The following FMN2 variants were observed in gnomAD, a reference collection of about 807,000 sequenced individuals.
FMN2 encodes the protein formin 2, also known as formin-2.
Under a neutral mutation model 142.3 loss-of-function variants are expected in FMN2, and 51 were observed. That is an observed-to-expected ratio of 0.36 (90% CI 0.29 to 0.45). The LOEUF (loss-of-function observed/expected upper bound fraction) is 0.45. FMN2 is among the 20% of genes least tolerant of loss of function. FMN2 has a pLI of 1.00. For synonymous variants in FMN2, 882 were observed against 869.8 expected (o/e 1.01, Z -0.25); for missense variants, 1,936 against 2,122.8 (o/e 0.91, Z 1.73).
chr1:240,420,521 A>G (rs1674726615), intron 15 of FMN2, among the ~76,000 whole-genome samples: 1 of 152,070 alleles, frequency 6.6e-6, no homozygotes, highest in Admixed American at 6.5e-5. Context: ...TTGTTGTCCT[A>G]TTGTCCTGCA....
chr1:240,207,542 C>G lies in FMN2; in HGVS notation c.2730C>G (p.Pro910=). 1 of 1,613,300 alleles carries G rather than the reference C, an allele frequency of 6.2e-7. No homozygotes were observed. The highest frequency in any genetic ancestry group is 8.5e-7 in the Non-Finnish European group (1 of 1,179,718). The change falls in exon 5 of 18, where the codon CCC becomes CCG. Residue 910 remains proline, a synonymous_variant. Transcript: ENST00000319653. The part of the protein sequence containing the change: ...PPLQGTEMLP[P]PPPPLPGAGI... Reference sequence around the variant, plus strand: ...TGCAGGGTACAGAAATGCTGCCACCCCCTCCCCCTCCTCTTCCCGGAGCGG... The same window carrying G: ...TGCAGGGTACAGAAATGCTGCCACCGCCTCCCCCTCCTCTTCCCGGAGCGG...
At chr1:240,186,992 C>T (rs1304000351) in intron 3 of FMN2, among the ~76,000 whole-genome samples, 4 of 151,722 alleles carry the variant, frequency 2.6e-5, no homozygotes, top group Non-Finnish European at 4.4e-5. Context: ...GCTGGCCGAG[C>T]ACGGTGGCTC....
chr1:240,175,705 T>TTTG (rs57456680), intron 2 of FMN2, among the ~76,000 whole-genome samples: 40,853 of 151,582 alleles, frequency 0.27, 5,596 homozygotes, highest in South Asian at 0.36. Flanking sequence ...GGTGCTTTAT[T>TTTG]TTGTTGTTGT....
intron 8 of FMN2, among the ~76,000 whole-genome samples, chr1:240,314,055 A>G (rs973791234): frequency 7.2e-5 from 11 of 152,314 alleles, no homozygotes; most frequent in African/African-American, 2.6e-4. Context: ...TTTGTACATA[A>G]AAAGCTACTA....
At chr1:240,219,210 G>A (rs369573588) in intron 6 of FMN2, among the ~76,000 whole-genome samples, 3 of 152,040 alleles carry the variant, frequency 2.0e-5, no homozygotes, top group Admixed American at 6.6e-5. Context: ...ACCCAGCCTC[G>A]GGTTTGTCAT....
At chr1:240,448,688 G>T (rs763878346) in intron 16 of FMN2, among the ~76,000 whole-genome samples, 1 of 152,036 alleles carries the variant, frequency 6.6e-6, no homozygotes, top group Non-Finnish European at 1.5e-5. Context: ...TGGCATGGTG[G>T]TGCACACCTG....
intron 7 of FMN2, among the ~76,000 whole-genome samples, chr1:240,263,771 A>G (rs1284776795): frequency 6.6e-6 from 1 of 152,128 alleles, no homozygotes; most frequent in African/African-American, 2.4e-5. Flanking sequence ...TGACACGTTA[A>G]ACTTACGGAA....
intron 2 of FMN2, among the ~76,000 whole-genome samples, chr1:240,146,471 G>A (rs1029626576): frequency 2.6e-5 from 4 of 151,606 alleles, no homozygotes; most frequent in Non-Finnish European, 4.4e-5. Context: ...GGGAGGCCAA[G>A]GCGGGCAGAT....
chr1:240,209,855 G>C (rs1262512928), intron 5 of FMN2, among the ~76,000 whole-genome samples: 1 of 151,910 alleles, frequency 6.6e-6, no homozygotes, highest in Non-Finnish European at 1.5e-5. Flanking sequence ...AGTGAGCCGA[G>C]ATCGCGCCAC....
At chr1:240,239,838 T>TTG (rs1343903085) in intron 6 of FMN2, among the ~76,000 whole-genome samples, 1 of 151,820 alleles carries the variant, frequency 6.6e-6, no homozygotes, top group Non-Finnish European at 1.5e-5. Context: ...AGTGATTCAT[T>TTG]TGTTTTCTGA....
intron 16 of FMN2, among the ~76,000 whole-genome samples, chr1:240,469,388 A>G (rs1676738442): frequency 6.6e-6 from 1 of 152,156 alleles, no homozygotes; most frequent in African/African-American, 2.4e-5. Flanking sequence ...TGCCCAGGTC[A>G]TTTATGTGTG....
chr1:240,452,062 T>C (rs535025131), intron 16 of FMN2, among the ~76,000 whole-genome samples: 4 of 151,982 alleles, frequency 2.6e-5, no homozygotes, highest in East Asian at 3.9e-4. Context: ...GTGGTGGCAC[T>C]CACCTGTAGT....
At chr1:240,407,574 C>A (rs1674253263) in intron 15 of FMN2, among the ~76,000 whole-genome samples, 1 of 151,786 alleles carries the variant, frequency 6.6e-6, no homozygotes, top group African/African-American at 2.4e-5. Flanking sequence ...TTAATTAATT[C>A]TTCCTTCATT....
intron 7 of FMN2, among the ~76,000 whole-genome samples, chr1:240,273,203 C>T (rs190662168): frequency 4.0e-4 from 61 of 152,144 alleles, no homozygotes; most frequent in African/African-American, 1.3e-3. Flanking sequence ...TGCAAGATTC[C>T]GATTAATGCT....
At chr1:240,253,293 TC>T (rs1465259922) in intron 6 of FMN2, among the ~76,000 whole-genome samples, 1 of 144,920 alleles carries the variant, frequency 6.9e-6, no homozygotes. Flanking sequence ...TATTCTTTAT[TC>T]TTTATTTTTA....
intron 8 of FMN2, among the ~76,000 whole-genome samples, chr1:240,297,608 AAAAAAAAAG>A (rs1455910782): frequency 6.6e-6 from 1 of 151,748 alleles, no homozygotes. Flanking sequence ...AAAAAAAAAA[AAAAAAAAAG>A]AATATTTTAT....
chr1:240,305,042 G>A lies in FMN2; in HGVS notation c.4215+10159G>A, dbSNP rs545904293. ...GCTATCTTCCCAGAATCCTTTCTGG[G>A]GTTTCTAATTTTTTCATTCATTCTT... On this transcript the variant is annotated intron_variant, in intron 8 of 17. Transcript: ENST00000319653. Among the ~76,000 whole-genome samples the A allele has an allele frequency of 3.3e-5, 5 of 152,134 alleles. No homozygotes were observed. The East Asian group carries it at 9.7e-4, about 29-fold the overall frequency.
At chr1:240,205,610 C>T (rs1328212100) in intron 4 of FMN2, among the ~76,000 whole-genome samples, 8 of 151,492 alleles carry the variant, frequency 5.3e-5, no homozygotes, top group East Asian at 3.9e-4. Context: ...TACAGGCACC[C>T]GCCACCACGC....
intron 6 of FMN2, among the ~76,000 whole-genome samples, chr1:240,217,620 G>A (rs749892233): frequency 1.3e-5 from 2 of 151,846 alleles, no homozygotes; most frequent in Non-Finnish European, 2.9e-5. Flanking sequence ...ACAAGCATAG[G>A]TTTTGTGGAA....
Sources: gnomAD v4.1 joint callset for allele counts (sites outside exome capture counted in the v4.1 genomes callset) on GRCh38, gnomAD v4.1.1 for gene constraint, MANE v1.5 for transcripts, NCBI Gene and HGNC (gene_info 2026-07-23, HGNC 2026-07-21) for gene names.